WWTR1: variants seen among roughly 807,000 people sequenced by gnomAD.
WWTR1 encodes the protein WW domain containing transcription regulator 1.
Under a neutral mutation model 40.1 loss-of-function variants are expected in WWTR1, and 13 were observed. The ratio of observed to expected loss-of-function variants is 0.32; its 90% CI spans 0.21 to 0.52. The LOEUF (loss-of-function observed/expected upper bound fraction) is 0.52, where lower values mean the gene tolerates loss of function less well. Among genes scored for constraint, WWTR1 ranks in the 20% least tolerant of loss-of-function variants. The probability of loss-of-function intolerance (pLI) is 0.97; values close to 1 mark genes in which losing one functional copy is unlikely to be tolerated. For missense variants in WWTR1, 436 were observed against 523.1 expected, an observed-to-expected ratio of 0.83 and a Z score of 1.63; for synonymous variants, 230 against 210.1, an observed-to-expected ratio of 1.09 and a Z score of -0.82.
At chr3:149,677,837 C>G (rs1329950435) in intron 1 of WWTR1, among the ~76,000 whole-genome samples, 1 of 152,176 alleles carries the variant, frequency 6.6e-6, no homozygotes, top group African/African-American at 2.4e-5. Flanking sequence ...GATCTCAGCT[C>G]ACTGCTACCT....
chr3:149,691,060 T>C (rs1467794087), intron 1 of WWTR1, among the ~76,000 whole-genome samples: 1 of 151,980 alleles, frequency 6.6e-6, no homozygotes, highest in Non-Finnish European at 1.5e-5. Context: ...ATGGCATTGA[T>C]TGAGAAAAAA....
intron 4 of WWTR1, among the ~76,000 whole-genome samples, chr3:149,530,499 A>G (rs954648097): frequency 6.6e-6 from 1 of 151,974 alleles, no homozygotes; most frequent in Non-Finnish European, 1.5e-5. Flanking sequence ...ATATAAAATT[A>G]TAAGAACAAA....
intron 5 of WWTR1, among the ~76,000 whole-genome samples, chr3:149,716,965 C>T (rs1019873460): frequency 2.0e-5 from 3 of 152,052 alleles, no homozygotes; most frequent in Non-Finnish European, 4.4e-5. Flanking sequence ...TTACTTGAGC[C>T]CAGAGTTCGA....
At chr3:149,552,401 T>A (rs1736650632) in intron 3 of WWTR1, among the ~76,000 whole-genome samples, 1 of 152,242 alleles carries the variant, frequency 6.6e-6, no homozygotes, top group African/African-American at 2.4e-5. Flanking sequence ...GTTCCATTTA[T>A]AGCAAGATGA....
intron 2 of WWTR1, among the ~76,000 whole-genome samples, chr3:149,635,498 G>GAGA (rs879350488): frequency 2.0e-5 from 3 of 148,870 alleles, no homozygotes; most frequent in Non-Finnish European, 4.5e-5. Context: ...TATATAGAAG[G>GAGA]AGAAGAAGAA....
intron 3 of WWTR1, among the ~76,000 whole-genome samples, chr3:149,550,184 T>C (rs1736549041): frequency 6.6e-6 from 1 of 152,262 alleles, no homozygotes; most frequent in African/African-American, 2.4e-5. Context: ...TAATAGTCAA[T>C]GGTTGGGGTA....
Position 149,657,154 on chromosome 3 carries a change from A to G in WWTR1, c.153T>C (p.Ser51=), listed in dbSNP as rs1333773339. ...AGCCCGAATCAGGCTCCTTAAAGAAAGACTCCGGCAGGATCTTCTTCCGCC... is the reference window on the plus strand; with the variant it reads ...AGCCCGAATCAGGCTCCTTAAAGAAGGACTCCGGCAGGATCTTCTTCCGCC... ...SSWRKKILPE[S]FFKEPDSGSH... Residue 51 remains serine (S), a synonymous_variant, in exon 2 of 7, where the codon TCT becomes TCC. Transcript: ENST00000360632. 2 of 1,605,448 alleles carry G rather than the reference A, an allele frequency of 1.2e-6. No homozygotes were observed. The highest frequency in any genetic ancestry group is 3.4e-5 in the Admixed American group (2 of 59,052).
At chr3:149,613,501 C>T (rs980520383) in intron 2 of WWTR1, among the ~76,000 whole-genome samples, 1 of 152,192 alleles carries the variant, frequency 6.6e-6, no homozygotes, top group African/African-American at 2.4e-5. Context: ...CCAATCTCCA[C>T]TCCCGGCATC....
intron 2 of WWTR1, among the ~76,000 whole-genome samples, chr3:149,590,139 T>A (rs1738625921): frequency 6.6e-6 from 1 of 152,130 alleles, no homozygotes; most frequent in African/African-American, 2.4e-5. Flanking sequence ...TAAATGTATG[T>A]TGAATGAATT....
intron 1 of WWTR1, among the ~76,000 whole-genome samples, chr3:149,681,616 G>A (rs1714460571): frequency 6.6e-6 from 1 of 152,088 alleles, no homozygotes; most frequent in Non-Finnish European, 1.5e-5. Flanking sequence ...AGAAATATTT[G>A]CACTCCTATG....
rs993253143 is a variant in WWTR1 at position 149,559,869 on chromosome 3, A to T, written c.568+12995T>A. On this transcript the variant is annotated intron_variant, in intron 3 of 6. Coordinates refer to ENST00000360632, the MANE Select transcript of WWTR1 (RefSeq NM_015472.6). ...TATCCCCAACCCCAACTGTTAAATG[A>T]TTCTAATTTTAAAACATAGACAGCC... Among the ~76,000 whole-genome samples, 10 of 152,172 alleles carry T rather than the reference A, an allele frequency of 6.6e-5. No individual in the cohort carries two copies. In the South Asian group the frequency reaches 1.2e-3, roughly 19 times the overall value.
chr3:149,526,018 T>G lies in WWTR1; in HGVS notation c.1013A>C (p.Asp338Ala), dbSNP rs745828190. The G allele has an allele frequency of 1.3e-6, 2 of 1,595,764 alleles. No homozygotes were observed. The highest frequency in any genetic ancestry group is 3.4e-5 in the Admixed American group (2 of 57,986). ...EDFLSNVDEM[D>A]TGENAGQTPM... ...CTTGCAGGCTTTGCTCCTACCTGTATCCATCTCATCCACATTGCTGAGGAA... is the reference window on the plus strand; with the variant it reads ...CTTGCAGGCTTTGCTCCTACCTGTAGCCATCTCATCCACATTGCTGAGGAA... Residue 338 changes from aspartate (D) to alanine (A), a missense_variant, in exon 6 of 7, where the codon GAT becomes GCT. By Grantham distance (126) the Asp-to-Ala change is moderately radical. Transcript: ENST00000360632.
chr3:149,609,888 C>T lies in WWTR1; in HGVS notation c.432-36888G>A, dbSNP rs79285425. Among the ~76,000 whole-genome samples the T allele has an allele frequency of 7.2e-3, 1,104 of 152,310 alleles. 12 individuals carry two copies. The highest frequency in any genetic ancestry group is 0.025 in the African/African-American group (1,058 of 41,562). On this transcript the variant is annotated intron_variant, in intron 2 of 6. Transcript: ENST00000360632. ...ACGTTTCCACAGAGGAAATAATAAC[C>T]TTCCTTTTCCAAGGTCCTCCTCTGC...
At chr3:149,647,542 C>T (rs917780188) in intron 2 of WWTR1, among the ~76,000 whole-genome samples, 8 of 152,104 alleles carry the variant, frequency 5.3e-5, no homozygotes, top group Admixed American at 1.3e-4. Flanking sequence ...AACAAGCAGA[C>T]TCAAAAGCTA....
At chr3:149,708,908 G>A (rs1273275394) in intron 5 of WWTR1, among the ~76,000 whole-genome samples, 1 of 152,114 alleles carries the variant, frequency 6.6e-6, no homozygotes, top group Non-Finnish European at 1.5e-5. Flanking sequence ...CATAGCTGTA[G>A]TACCATTTTA....
chr3:149,667,547 CAAAA>C lies in WWTR1; in HGVS notation c.-4+2237_-4+2240del, dbSNP rs10611956. ...TGGGCGACAGAGCAAGACTCCATCTCAAAAAAAAAAAAAAAAATTATGAAAAAAA... is the reference window on the plus strand; with the variant it reads ...TGGGCGACAGAGCAAGACTCCATCTCAAAAAAAAAAAAATTATGAAAAAAA... On this transcript the variant is annotated intron_variant, in intron 2 of 7. Transcript: ENST00000465804. Among the ~76,000 whole-genome samples, 713 of 137,438 alleles carry C rather than the reference CAAAA, an allele frequency of 5.2e-3. 5 individuals carry two copies. The highest frequency in any genetic ancestry group is 0.015 in the African/African-American group (551 of 36,602). The allele number at this position is 137,438 out of a possible 152,430, so 90.2% of individuals were successfully genotyped here.
chr3:149,523,842 G>A (rs565872980), intron 6 of WWTR1, among the ~76,000 whole-genome samples: 4 of 152,300 alleles, frequency 2.6e-5, no homozygotes, highest in African/African-American at 9.6e-5. Context: ...TTGAGAAGAT[G>A]TATGTCCAGT....
intron 1 of WWTR1, among the ~76,000 whole-genome samples, chr3:149,684,737 T>A (rs1238588457): frequency 6.6e-6 from 1 of 152,138 alleles, no homozygotes; most frequent in Non-Finnish European, 1.5e-5. Flanking sequence ...CTAATTTTTG[T>A]ATTTTTTGTA....
intron 2 of WWTR1, among the ~76,000 whole-genome samples, chr3:149,586,700 A>AG (rs938771600): frequency 6.6e-6 from 1 of 152,160 alleles, no homozygotes; most frequent in African/African-American, 2.4e-5. Flanking sequence ...GCTGGTTGCC[A>AG]GGGGGAACCA....
Sources: gnomAD v4.1 joint callset for allele counts (sites outside exome capture counted in the v4.1 genomes callset) on GRCh38, gnomAD v4.1.1 for gene constraint, MANE v1.5 for transcripts, NCBI Gene and HGNC (gene_info 2026-07-23, HGNC 2026-07-21) for gene names.